LGR6: variants seen among roughly 807,000 people sequenced by gnomAD.
LGR6 encodes leucine-rich repeat-containing G protein-coupled receptor 6.
LGR6 carries 45 observed loss-of-function variants against 69.4 expected under a neutral mutation model. The observed-to-expected ratio is 0.65, with a 90% CI of 0.51 to 0.83. The LOEUF is 0.83. Ranked by LOEUF, LGR6 falls within the 40% of genes least tolerant of loss-of-function variation. The pLI is 0.00. For synonymous variants in LGR6, 538 were observed against 555.0 expected (o/e 0.97, Z 0.43); for missense variants, 1,108 against 1,246.7 (o/e 0.89, Z 1.68).
chr1:202,317,920 G>C (rs1418593047), intron 17 of LGR6, 32 bp from the exon 18 acceptor site: 1 of 1,557,178 alleles, frequency 6.4e-7, no homozygotes, highest in Non-Finnish European at 8.7e-7. Flanking sequence ...ACCATCCTCT[G>C]GCCCAGGGTT....
At chr1:202,308,445 G>A (rs1043226602) in intron 14 of LGR6, among the ~76,000 whole-genome samples, 3 of 152,182 alleles carry the variant, frequency 2.0e-5, no homozygotes, top group African/African-American at 7.2e-5. Context: ...CACAGTCTGT[G>A]GTCTTAGCGT....
At chr1:202,202,064 C>T (rs148796981) in intron 1 of LGR6, among the ~76,000 whole-genome samples, 2,077 of 152,068 alleles carry the variant, frequency 0.014, 21 homozygotes, top group Non-Finnish European at 0.02. Context: ...GAAAGAGGAC[C>T]GAGGTGGCCA....
chr1:202,295,724 CTG>C (rs1192516437), intron 6 of LGR6, among the ~76,000 whole-genome samples: 1 of 152,218 alleles, frequency 6.6e-6, no homozygotes, highest in Non-Finnish European at 1.5e-5. Flanking sequence ...GGGAGCCTCT[CTG>C]TGAGCAAATC....
rs140821590 is a variant in LGR6 at position 202,318,145 on chromosome 1, C to T, written c.1842C>T (p.Ser614=). The T allele has an allele frequency of 1.2e-6, 2 of 1,613,984 alleles. No homozygotes were observed. Among genetic ancestry groups the T allele is most frequent in the African/African-American group, 2.7e-5 (2 of 74,960 alleles). Residue 614 remains serine, a synonymous_variant, in exon 18 of 18, where the codon TCC becomes TCT. Transcript: ENST00000367278. ...GCGCCAACACCTTGACTGGCATTTC[C>T]TGTGGCCTTCTAGCCTCAGTCGATG... is the stretch of plus-strand genomic sequence containing the variant. ...IAGANTLTGI[S]CGLLASVDAL... is the part of the protein sequence containing the mutation.
Position 202,271,623 on chromosome 1 carries a change from A to G in LGR6, c.429-4683A>G, listed in dbSNP as rs542842631. On this transcript the variant is annotated intron_variant, in intron 4 of 17. Coordinates refer to ENST00000367278, the MANE Select transcript of LGR6 (RefSeq NM_001017403.2). ...GGAGTTCGAGACCAGCCTGGCCAAC[A>G]TGGTGAAACCCTGTCTCTACGAAAA... Among the ~76,000 whole-genome samples, 982 of 152,114 alleles carry G rather than the reference A, an allele frequency of 6.5e-3. 18 individuals are homozygous for G. Among genetic ancestry groups the G allele is most frequent in the African/African-American group, 0.022 (931 of 41,486 alleles).
At chr1:202,290,253 C>A (rs1240683832) in intron 6 of LGR6, among the ~76,000 whole-genome samples, 1 of 152,186 alleles carries the variant, frequency 6.6e-6, no homozygotes, top group Non-Finnish European at 1.5e-5. Context: ...TCAAGATGAT[C>A]CTGTTGGTGC....
intron 1 of LGR6, chr1:202,203,967 T>C: frequency 1.2e-6 from 1 of 848,174 alleles, no homozygotes; most frequent in Non-Finnish European, 2.0e-6. Flanking sequence ...CAGGTAGTAT[T>C]ATGTTCACTA....
intron 4 of LGR6, among the ~76,000 whole-genome samples, chr1:202,266,677 G>A (rs1039468177): frequency 1.3e-5 from 2 of 152,026 alleles, no homozygotes; most frequent in Non-Finnish European, 2.9e-5. Context: ...TCTTTGGTCA[G>A]TACCTCTGCA....
chr1:202,222,832 G>C (rs1660260224), intron 1 of LGR6, among the ~76,000 whole-genome samples: 1 of 152,244 alleles, frequency 6.6e-6, no homozygotes, highest in Admixed American at 6.5e-5. Context: ...GCTGGGCGCA[G>C]TGGCTCTCTC....
intron 1 of LGR6, among the ~76,000 whole-genome samples, chr1:202,200,122 A>G (rs1054463357): frequency 4.6e-5 from 7 of 152,142 alleles, no homozygotes; most frequent in Non-Finnish European, 7.4e-5. Flanking sequence ...AGGCCTTTCA[A>G]GCAGCCAGTT....
chr1:202,308,259 C>T (rs746716143), intron 14 of LGR6, among the ~76,000 whole-genome samples: 1 of 152,156 alleles, frequency 6.6e-6, no homozygotes. Flanking sequence ...CTCTCACCTC[C>T]GTCTTCCCTC....
At chr1:202,225,878 G>A (rs1033451777) in intron 2 of LGR6, among the ~76,000 whole-genome samples, 19 of 152,080 alleles carry the variant, frequency 1.2e-4, no homozygotes, top group African/African-American at 4.3e-4. Flanking sequence ...TAGTCCCACT[G>A]CTACTGCCCC....
intron 4 of LGR6, among the ~76,000 whole-genome samples, chr1:202,244,070 G>C (rs1029463426): frequency 6.6e-6 from 1 of 152,122 alleles, no homozygotes; most frequent in African/African-American, 2.4e-5. Context: ...CAATTCTCCT[G>C]CCTCAGCCTC....
chr1:202,203,715 G>T, intron 1 of LGR6: 1 of 1,200,888 alleles, frequency 8.3e-7, no homozygotes. Context: ...ATACTGCGTA[G>T]CAGGCGGGGC....
At chr1:202,243,240 T>G (rs1662361842) in intron 4 of LGR6, among the ~76,000 whole-genome samples, 1 of 152,168 alleles carries the variant, frequency 6.6e-6, no homozygotes, top group Non-Finnish European at 1.5e-5. Flanking sequence ...TGAGCTCAGC[T>G]GGGGCGTGCC....
intron 4 of LGR6, among the ~76,000 whole-genome samples, chr1:202,251,307 G>A (rs1663221661): frequency 6.6e-6 from 1 of 152,068 alleles, no homozygotes; most frequent in African/African-American, 2.4e-5. Flanking sequence ...AAAGAAACTC[G>A]TTATTTTAAA....
intron 6 of LGR6, among the ~76,000 whole-genome samples, chr1:202,281,849 A>G (rs896075399): frequency 2.6e-5 from 4 of 151,926 alleles, no homozygotes; most frequent in African/African-American, 9.7e-5. Flanking sequence ...GTTTTCAAGA[A>G]TCCGAAGCAG....
chr1:202,194,069 A>AGCCCG lies in LGR6; in HGVS notation c.87_91dup (p.Gly31AlafsTer39). ...TCCCGGAGGGCCGGCGGCGCCCCCC[A>AGCCCG]GCCCGGCCCGGGGCCCACCGCCTGC... On this transcript the variant is annotated frameshift_variant, in exon 1 of 18. Transcript: ENST00000367278. LOFTEE classifies it high-confidence loss of function. 1 of 1,442,696 alleles carries AGCCCG rather than the reference A, an allele frequency of 6.9e-7. No homozygotes were observed. 89.4% of individuals were successfully genotyped at this position (1,442,696 alleles called of 1,614,324 possible). A position where few individuals can be genotyped will look rare whatever the true frequency, so the allele number is the denominator to read the frequency against.
intron 5 of LGR6, among the ~76,000 whole-genome samples, chr1:202,279,377 C>A (rs190588552): frequency 6.6e-5 from 10 of 152,254 alleles, no homozygotes; most frequent in African/African-American, 2.4e-4. Flanking sequence ...CCCGTCCTTA[C>A]CCATCTATGT....
Sources: allele counts gnomAD v4.1 joint callset (sites outside exome capture counted in the v4.1 genomes callset), GRCh38; gene constraint gnomAD v4.1.1; transcripts MANE v1.5; gene names NCBI Gene and HGNC (gene_info 2026-07-23, HGNC 2026-07-21).